Variants in LDLRAD3 observed in about 807,000 individuals in gnomAD.
LDLRAD3 encodes low-density lipoprotein receptor class A domain-containing protein 3.
In LDLRAD3, 20 loss-of-function variants were observed where a neutral mutation model predicts 29.4. That is an observed-to-expected ratio of 0.68 (90% CI 0.48 to 0.99). LDLRAD3 has a LOEUF of 0.99. Among genes scored for constraint, LDLRAD3 ranks in the 50% least tolerant of loss-of-function variants. LDLRAD3 has a pLI of 0.00. For synonymous variants in LDLRAD3, 157 were observed against 192.7 expected (o/e 0.81, Z 1.53); for missense variants, 420 against 454.3 (o/e 0.92, Z 0.69).
At chr11:36,148,847 A>G (rs1854234672) in intron 4 of LDLRAD3, among the ~76,000 whole-genome samples, 1 of 152,218 alleles carries the variant, frequency 6.6e-6, no homozygotes, top group South Asian at 2.1e-4. Flanking sequence ...GGGTAGGCAG[A>G]AAGTGTTGGA....
chr11:36,120,081 A>T (rs1023707785), intron 4 of LDLRAD3, among the ~76,000 whole-genome samples: 1 of 151,976 alleles, frequency 6.6e-6, no homozygotes, highest in African/African-American at 2.4e-5. Flanking sequence ...CGAAAATGTT[A>T]TTTTTTCCCT....
At chr11:36,191,576 C>CTCTCTCTCTATATA (rs377747518) in intron 4 of LDLRAD3, among the ~76,000 whole-genome samples, 18 of 53,414 alleles carry the variant, frequency 3.4e-4, no homozygotes, top group South Asian at 8.5e-4. Context: ...CTCTCTCTCT[C>CTCTCTCTCTATATA]TATATATATA....
At chr11:36,079,485 G>A (rs11033407) in intron 2 of LDLRAD3, among the ~76,000 whole-genome samples, 28,637 of 152,112 alleles carry the variant, frequency 0.19, 3,458 homozygotes, top group African/African-American at 0.33. Flanking sequence ...CTTAATCTTT[G>A]CTAGAGCCCA....
intron 4 of LDLRAD3, among the ~76,000 whole-genome samples, chr11:36,102,422 A>T (rs11033425): frequency 0.023 from 3,562 of 152,204 alleles, 157 homozygotes; most frequent in African/African-American, 0.081. Flanking sequence ...GCTTGAAATA[A>T]TTCTCTTCCA....
intron 4 of LDLRAD3, among the ~76,000 whole-genome samples, chr11:36,153,549 A>G (rs557216464): frequency 6.6e-6 from 1 of 152,144 alleles, no homozygotes; most frequent in Non-Finnish European, 1.5e-5. Context: ...TGGTTGATCT[A>G]TTTCTGGATC....
At chr11:36,122,759 C>T (rs1320467734) in intron 4 of LDLRAD3, among the ~76,000 whole-genome samples, 1 of 152,096 alleles carries the variant, frequency 6.6e-6, no homozygotes, top group Non-Finnish European at 1.5e-5. Flanking sequence ...TGGTTCATGC[C>T]TGTAATCCCA....
intron 4 of LDLRAD3, among the ~76,000 whole-genome samples, chr11:36,203,885 G>A (rs973769100): frequency 6.6e-6 from 1 of 152,116 alleles, no homozygotes; most frequent in African/African-American, 2.4e-5. Context: ...GAGGTCAGCT[G>A]TTACTTTCTG....
At chr11:35,963,593 G>A (rs553604441) in intron 1 of LDLRAD3, among the ~76,000 whole-genome samples, 2 of 152,018 alleles carry the variant, frequency 1.3e-5, no homozygotes, top group Admixed American at 1.3e-4. Flanking sequence ...CTTTCTTTGC[G>A]GAAAACAGCA....
chr11:35,959,792 G>A (rs1039087527), intron 1 of LDLRAD3, among the ~76,000 whole-genome samples: 1 of 152,012 alleles, frequency 6.6e-6, no homozygotes, highest in Non-Finnish European at 1.5e-5. Context: ...AGCCGGGCAT[G>A]GTAGGGTACA....
Position 36,230,074 on chromosome 11 carries a change from A to C in LDLRAD3, c.*677A>C, listed in dbSNP as rs1029317267. On this transcript the variant is annotated 3_prime_UTR_variant, in exon 6 of 6. Coordinates refer to ENST00000315571, the MANE Select transcript of LDLRAD3 (RefSeq NM_174902.4). ...TTTGCCCAAGAATGCTCATTCTGAGAGCTTTCCTCAGCAGCATATATCATC... is the reference window on the plus strand; with the variant it reads ...TTTGCCCAAGAATGCTCATTCTGAGCGCTTTCCTCAGCAGCATATATCATC... 4.6e-5 allele frequency: 7 copies of C among 152,208 alleles called. No homozygotes were observed. The highest frequency in any genetic ancestry group is 7.3e-5 in the Non-Finnish European group (5 of 68,040). The allele number at this position is 152,208 out of a possible 1,614,324, so 9.4% of individuals were successfully genotyped here.
chr11:36,079,882 C>T (rs1445587980), intron 2 of LDLRAD3, among the ~76,000 whole-genome samples: 1 of 152,122 alleles, frequency 6.6e-6, no homozygotes, highest in African/African-American at 2.4e-5. Flanking sequence ...AACTGAAGTC[C>T]ACCAAAATTT....
At chr11:36,199,050 G>A (rs1335139400) in intron 4 of LDLRAD3, among the ~76,000 whole-genome samples, 1 of 152,108 alleles carries the variant, frequency 6.6e-6, no homozygotes, top group Non-Finnish European at 1.5e-5. Flanking sequence ...ACAGGCGCCT[G>A]CCACCTCGCC....
chr11:36,123,127 C>CA (rs1391390720), intron 4 of LDLRAD3, among the ~76,000 whole-genome samples: 3 of 152,216 alleles, frequency 2.0e-5, no homozygotes, highest in African/African-American at 7.2e-5. Flanking sequence ...GTCAAGGCTG[C>CA]AATGAACTAT....
Position 36,227,448 on chromosome 11 carries a change from G to A in LDLRAD3, c.800+18G>A. On this transcript the variant is annotated intron_variant, in intron 5 of 5. Coordinates refer to ENST00000315571, the MANE Select transcript of LDLRAD3 (RefSeq NM_174902.4). The stretch of plus-strand genomic sequence containing the variant: ...GACCAGAGGTGTGTGCTGGATGGAA[G>A]AGATTGAGGCGGGAGAGGTCATCCA... The A allele has an allele frequency of 1.3e-6, 2 of 1,520,608 alleles. No individual in the cohort carries two copies. Among genetic ancestry groups the A allele is most frequent in the Non-Finnish European group, 8.8e-7 (1 of 1,130,936 alleles). 94.2% of individuals were successfully genotyped at this position (1,520,608 alleles called of 1,614,324 possible).
In LDLRAD3 at chr11:35,982,979, G is replaced by A. The variant is rs1259090874; in HGVS notation, c.46+38835G>A. ...AGTGATTCTCCTGCCTCAGCCTCCC[G>A]AGTTGCTGGGACTACAGGTGTGCAC... On this transcript the variant is annotated intron_variant, in intron 1 of 5. Transcript: ENST00000315571. Among the ~76,000 whole-genome samples the A allele has an allele frequency of 4.0e-5, 6 of 150,090 alleles. No individual in the cohort carries two copies. The Admixed American group carries it at 4.0e-4, about 10-fold the overall frequency.
chr11:36,119,386 T>A (rs189755635), intron 4 of LDLRAD3, among the ~76,000 whole-genome samples: 67 of 152,344 alleles, frequency 4.4e-4, no homozygotes, highest in East Asian at 2.5e-3. Flanking sequence ...GGAACTGCTT[T>A]CTGCTATTTT....
At chr11:36,208,031 A>G (rs182194794) in intron 4 of LDLRAD3, among the ~76,000 whole-genome samples, 239 of 152,322 alleles carry the variant, frequency 1.6e-3, no homozygotes, top group Non-Finnish European at 2.5e-3. Context: ...TGGCACACTC[A>G]CTGTGCAGCT....
At chr11:36,016,982 A>G (rs1852031002) in intron 1 of LDLRAD3, among the ~76,000 whole-genome samples, 1 of 152,240 alleles carries the variant, frequency 6.6e-6, no homozygotes, top group Admixed American at 6.5e-5. Flanking sequence ...ACTCCTCAAC[A>G]TAAGCTTCAT....
At chr11:36,127,365 A>G (rs1853853157) in intron 4 of LDLRAD3, among the ~76,000 whole-genome samples, 1 of 152,166 alleles carries the variant, frequency 6.6e-6, no homozygotes, top group Admixed American at 6.5e-5. Flanking sequence ...TTTTTCACTT[A>G]TATATTTGAA....
Sources: allele counts gnomAD v4.1 joint callset (sites outside exome capture counted in the v4.1 genomes callset), GRCh38; gene constraint gnomAD v4.1.1; transcripts MANE v1.5; gene names NCBI Gene and HGNC (gene_info 2026-07-23, HGNC 2026-07-21).